The following HYAL4 variants were observed in gnomAD, a reference collection of about 807,000 sequenced individuals.
The protein encoded by HYAL4 is hyaluronidase 4.
In HYAL4, 37 loss-of-function variants were observed where a neutral mutation model predicts 35.2. The ratio of observed to expected loss-of-function variants is 1.05; its 90% CI spans 0.81 to 1.38. HYAL4 has a LOEUF of 1.38. HYAL4 is among the 40% of genes most tolerant of loss of function. HYAL4 has a pLI of 0.00. For missense variants in HYAL4, 572 were observed against 572.4 expected (o/e 1.00, Z 0.01); for synonymous variants, 198 against 203.2 (o/e 0.97, Z 0.22).
chr7:123,838,712 T>G (rs1806007314), intron 1 of HYAL4, among the ~76,000 whole-genome samples: 1 of 152,186 alleles, frequency 6.6e-6, no homozygotes, highest in Non-Finnish European at 1.5e-5. Flanking sequence ...TTTTCCTCAA[T>G]TATTCCCCCG....
chr7:123,849,957 G>A (rs1291575736), intron 2 of HYAL4, among the ~76,000 whole-genome samples: 1 of 152,152 alleles, frequency 6.6e-6, no homozygotes, highest in African/African-American at 2.4e-5. Context: ...TTTCTCATAT[G>A]TTTTATCTTA....
the HYAL4 span, among the ~76,000 whole-genome samples, chr7:123,776,310 C>T: frequency 5.3e-5 from 8 of 152,112 alleles, no homozygotes; most frequent in Non-Finnish European, 1.0e-4. Flanking sequence ...AGCCTGGGAG[C>T]TAGAAATCAA....
At chr7:123,776,790 A>G in the HYAL4 span, among the ~76,000 whole-genome samples, 13 of 152,138 alleles carry the variant, frequency 8.5e-5, no homozygotes, top group African/African-American at 2.9e-4. Flanking sequence ...GGCAGCACAC[A>G]CTACAGCACT....
At chr7:123,811,269 T>C in the HYAL4 span, among the ~76,000 whole-genome samples, 1 of 152,156 alleles carries the variant, frequency 6.6e-6, no homozygotes, top group Non-Finnish European at 1.5e-5. Flanking sequence ...ATTGCCAAAC[T>C]GTCTTGCAAA....
the HYAL4 span, among the ~76,000 whole-genome samples, chr7:123,802,245 T>G: frequency 2.0e-3 from 299 of 151,204 alleles, no homozygotes; most frequent in African/African-American, 6.8e-3. Context: ...ACTTGGACTT[T>G]TTTAAACTTA....
At chr7:123,782,598 C>A in the HYAL4 span, among the ~76,000 whole-genome samples, 2 of 151,828 alleles carry the variant, frequency 1.3e-5, no homozygotes, top group Non-Finnish European at 1.5e-5. Flanking sequence ...CACCTGTTGT[C>A]CTGGCATAAT....
the HYAL4 span, among the ~76,000 whole-genome samples, chr7:123,800,294 T>C: frequency 6.0e-5 from 9 of 150,596 alleles, no homozygotes; most frequent in African/African-American, 2.2e-4. Context: ...CTCAGCCTCC[T>C]GAGTAGCTGG....
At chr7:123,765,451 A>G in the HYAL4 span, among the ~76,000 whole-genome samples, 1 of 152,156 alleles carries the variant, frequency 6.6e-6, no homozygotes, top group Non-Finnish European at 1.5e-5. Context: ...TGTATTAGGT[A>G]TCTCAGTTCT....
In HYAL4 at chr7:123,872,697, A is replaced by G. The variant is rs143621215; in HGVS notation, c.955-2064A>G. Reference sequence around the variant, plus strand: ...TGGCTCAAGCTTTCAGGTGGTCCCAATCTGCTCCCAGAGGCACTTTATCTG... The same window carrying G: ...TGGCTCAAGCTTTCAGGTGGTCCCAGTCTGCTCCCAGAGGCACTTTATCTG... On this transcript the variant is annotated intron_variant, in intron 3 of 4. Transcript: ENST00000223026. 4.3e-3 allele frequency among the ~76,000 whole-genome samples: 652 copies of G among 152,298 alleles called. 1 individual carries two copies. Among genetic ancestry groups the G allele is most frequent in the Non-Finnish European group, 6.1e-3 (413 of 68,020 alleles).
intron 2 of HYAL4, among the ~76,000 whole-genome samples, chr7:123,865,477 T>TA (rs1806666203): frequency 6.6e-6 from 1 of 152,188 alleles, no homozygotes; most frequent in Admixed American, 6.5e-5. Context: ...AGAGCTACAG[T>TA]ATGATATATT....
intron 1 of HYAL4, chr7:123,829,276 A>G (rs1156318884): frequency 3.3e-5 from 5 of 152,184 alleles, no homozygotes; most frequent in African/African-American, 9.7e-5. Context: ...CAGATCTCCT[A>G]AGAGTGATGA....
rs1429720695 is a variant in HYAL4 at position 123,876,230 on chromosome 7, G to T, written c.1045-524G>T. 17 of 334,552 alleles carry T rather than the reference G, an allele frequency of 5.1e-5. No homozygotes were observed. In the East Asian group the frequency reaches 1.4e-3, roughly 28 times the overall value. The allele number at this position is 334,552 out of a possible 1,614,324, so 20.7% of individuals were successfully genotyped here. A position where few individuals can be genotyped will look rare whatever the true frequency, so the allele number is the denominator to read the frequency against. On this transcript the variant is annotated intron_variant, in intron 4 of 4. Coordinates refer to ENST00000223026, the MANE Select transcript of HYAL4 (RefSeq NM_012269.3). ...TGATGGAAATTAACAGGAAAATCCA[G>T]AAGGCTATAATACTTGGTAGAATGG...
chr7:123,817,767 C>T, the HYAL4 span, among the ~76,000 whole-genome samples: 2 of 151,854 alleles, frequency 1.3e-5, no homozygotes, highest in African/African-American at 4.8e-5. Flanking sequence ...GCCTCAGCCT[C>T]CCAAAGTGCT....
intron 2 of HYAL4, among the ~76,000 whole-genome samples, chr7:123,860,240 A>G (rs1202868840): frequency 6.6e-6 from 1 of 152,160 alleles, no homozygotes; most frequent in Non-Finnish European, 1.5e-5. Flanking sequence ...TGCCATAGGG[A>G]ACTGTGAGTA....
At chr7:123,858,950 AG>A (rs1222738467) in intron 2 of HYAL4, among the ~76,000 whole-genome samples, 1 of 152,234 alleles carries the variant, frequency 6.6e-6, no homozygotes, top group Non-Finnish European at 1.5e-5. Flanking sequence ...ATTCAAAGAA[AG>A]CAATCAGATT....
At chr7:123,774,652 T>C in the HYAL4 span, among the ~76,000 whole-genome samples, 1 of 152,192 alleles carries the variant, frequency 6.6e-6, no homozygotes, top group East Asian at 1.9e-4. Context: ...CAGTATTTTT[T>C]CATTTCCATT....
At chr7:123,860,009 T>C (rs1021005090) in intron 2 of HYAL4, among the ~76,000 whole-genome samples, 4 of 152,140 alleles carry the variant, frequency 2.6e-5, no homozygotes, top group Non-Finnish European at 5.9e-5. Context: ...GGGAGGGACC[T>C]GTAATCCCCA....
chr7:123,841,959 A>AT (rs1403620648), upstream of HYAL4, among the ~76,000 whole-genome samples: 1 of 151,640 alleles, frequency 6.6e-6, no homozygotes, highest in Non-Finnish European at 1.5e-5. Context: ...GGATTCATTG[A>AT]TTTTTTTGAA....
chr7:123,769,148 GA>G, the HYAL4 span, among the ~76,000 whole-genome samples: 3 of 152,068 alleles, frequency 2.0e-5, no homozygotes, highest in African/African-American at 7.2e-5. Context: ...TTCCTAAGTA[GA>G]ATTATGGGTT....
Sources: allele counts gnomAD v4.1 joint callset (sites outside exome capture counted in the v4.1 genomes callset), GRCh38; gene constraint gnomAD v4.1.1; transcripts MANE v1.5; gene names NCBI Gene and HGNC (gene_info 2026-07-23, HGNC 2026-07-21).